FCRL2: variants seen among roughly 807,000 people sequenced by gnomAD.
FCRL2 encodes the protein Fc receptor-like protein 2.
In FCRL2, 48 loss-of-function variants were observed where a neutral mutation model predicts 59.8. The observed-to-expected ratio is 0.80, with a 90% confidence interval of 0.64 to 1.02. The LOEUF is 1.02. FCRL2 is among the 50% of genes least tolerant of loss of function. The pLI, the probability that FCRL2 is intolerant of heterozygous loss-of-function variation, is 0.00. For missense variants in FCRL2, 658 were observed against 597.3 expected, an observed-to-expected ratio of 1.10 and a Z score of -1.06; for synonymous variants, 251 against 229.5, an observed-to-expected ratio of 1.09 and a Z score of -0.85.
At position 157,777,104 on chromosome 1, in the gene FCRL2, T is replaced by C. The variant is rs748653794; in HGVS notation, c.-31A>G. 1.4e-5 allele frequency: 23 copies of C among 1,614,026 alleles called. No individual in the cohort carries two copies. The highest frequency in any genetic ancestry group is 3.3e-5 in the Admixed American group (2 of 60,006). On this transcript the variant is annotated 5_prime_UTR_variant, in exon 1 of 12. Coordinates refer to ENST00000361516, the MANE Select transcript of FCRL2 (RefSeq NM_030764.4). ...CCTAATCCAGCTATTTGAAAAGAGA[T>C]GTACTCTTGGTCACCAACTGGAGAC...
At chr1:157,749,999 C>T (rs917147654) in intron 7 of FCRL2, among the ~76,000 whole-genome samples, 2 of 152,132 alleles carry the variant, frequency 1.3e-5, no homozygotes, top group Non-Finnish European at 2.9e-5. Flanking sequence ...TTTTAACTAT[C>T]CTAATGTATA....
chr1:157,758,010 C>T (rs1033740122), intron 7 of FCRL2, among the ~76,000 whole-genome samples: 7 of 152,200 alleles, frequency 4.6e-5, no homozygotes, highest in Admixed American at 3.9e-4. Context: ...CAATCTGTGG[C>T]ATTTTGTTAT....
intron 4 of FCRL2, chr1:157,769,198 G>C (rs1295277253): frequency 6.4e-6 from 1 of 155,538 alleles, no homozygotes; most frequent in Non-Finnish European, 1.4e-5. Flanking sequence ...AATTTGTGTT[G>C]CAATCTCATC....
At chr1:157,748,843 G>A (rs751615407) in intron 9 of FCRL2, 32 bp downstream of exon 9, 3 of 1,597,212 alleles carry the variant, frequency 1.9e-6, no homozygotes, top group South Asian at 1.1e-5. Context: ...TTCTGACTCA[G>A]CCTCAGAGCC....
chr1:157,766,723 T>C, intron 7 of FCRL2, 132 bp downstream of exon 7: 1 of 1,453,608 alleles, frequency 6.9e-7, no homozygotes, highest in Non-Finnish European at 9.2e-7. Context: ...CCTTGCAGAA[T>C]TATGAAGCAT....
Position 157,776,992 on chromosome 1 carries a change from T to C in FCRL2, c.31+51A>G, listed in dbSNP as rs140603037. On this transcript the variant is annotated intron_variant, in intron 1 of 11. Coordinates refer to ENST00000361516, the MANE Select transcript of FCRL2 (RefSeq NM_030764.4). ...AAAACCTCCAACCTTTTGGGAGCAG[T>C]AGACCTCATTCAGCTGCCACCTCAC... is the stretch of plus-strand genomic sequence containing the variant. The C allele has an allele frequency of 1.1e-4, 164 of 1,549,776 alleles. 1 individual carries two copies. In the African/African-American group the frequency reaches 1.8e-3, roughly 17 times the overall value.
intron 7 of FCRL2, 51 bp downstream of exon 7, chr1:157,766,803 AG>A: frequency 6.2e-7 from 1 of 1,605,930 alleles, no homozygotes; most frequent in South Asian, 1.1e-5. Flanking sequence ...AATCTATATC[AG>A]TAGTGGAAAG....
intron 1 of FCRL2, among the ~76,000 whole-genome samples, chr1:157,776,000 A>T (rs189835938): frequency 5.8e-4 from 88 of 152,258 alleles, no homozygotes; most frequent in African/African-American, 2.0e-3. Flanking sequence ...CAAGTTGCAA[A>T]CCCAATGCTT....
intron 7 of FCRL2, among the ~76,000 whole-genome samples, chr1:157,760,136 G>C (rs565599425): frequency 7.2e-5 from 11 of 152,328 alleles, no homozygotes; most frequent in Non-Finnish European, 1.5e-4. Context: ...TATGTTCTTT[G>C]CAGCAACATG....
At chr1:157,760,339 C>A (rs1648921444) in intron 7 of FCRL2, among the ~76,000 whole-genome samples, 2 of 151,870 alleles carry the variant, frequency 1.3e-5, no homozygotes, top group South Asian at 2.1e-4. Flanking sequence ...CCTATTGGGG[C>A]CAGGCGTGGT....
intron 7 of FCRL2, among the ~76,000 whole-genome samples, chr1:157,751,008 A>G (rs1172894485): frequency 5.3e-5 from 8 of 152,218 alleles, no homozygotes; most frequent in Admixed American, 2.6e-4. Flanking sequence ...AAAAATTGAC[A>G]TATGTCTATA....
At chr1:157,751,489 C>T (rs1648180328) in intron 7 of FCRL2, among the ~76,000 whole-genome samples, 1 of 152,138 alleles carries the variant, frequency 6.6e-6, no homozygotes, top group Non-Finnish European at 1.5e-5. Flanking sequence ...TGGACACATG[C>T]CTGAAAAATC....
chr1:157,765,746 C>A (rs1301211310), intron 7 of FCRL2, among the ~76,000 whole-genome samples: 1 of 152,170 alleles, frequency 6.6e-6, no homozygotes, highest in Non-Finnish European at 1.5e-5. Context: ...TGACAGTTCT[C>A]CCATTTAGAG....
intron 7 of FCRL2, 48 bp from the exon 8 acceptor site, chr1:157,749,725 C>T (rs772118228): frequency 6.5e-7 from 1 of 1,527,380 alleles, no homozygotes; most frequent in South Asian, 1.2e-5. Flanking sequence ...GAAGCTTTAT[C>T]TCTTAAAATT....
intron 7 of FCRL2, among the ~76,000 whole-genome samples, chr1:157,752,228 A>T (rs960453132): frequency 6.6e-6 from 1 of 152,212 alleles, no homozygotes; most frequent in Admixed American, 6.5e-5. Context: ...GGAGGTACCC[A>T]GTGGGAGGTA....
Position 157,748,580 on chromosome 1 carries a change from A to G in FCRL2, c.1432T>C (p.Trp478Arg). 6.2e-7 allele frequency: 1 copy of G among 1,613,990 alleles called. No individual in the cohort carries two copies. ...GAGCTTTCTGGCTGCTGCATGCTCCAGACCTGAGAATAAACCACATCCACA... is the reference window on the plus strand; with the variant it reads ...GAGCTTTCTGGCTGCTGCATGCTCCGGACCTGAGAATAAACCACATCCACA... Reference protein sequence around the residue: ...VDVDVVYSQVWSMQQPESSAN... With the variant: ...VDVDVVYSQVRSMQQPESSAN... Residue 478 changes from tryptophan to arginine, a missense_variant, in exon 10 of 12, where the codon TGG becomes CGG. Trp to Arg is a moderately radical substitution (Grantham distance 101). Transcript: ENST00000361516.
chr1:157,750,152 A>G (rs1648075057), intron 7 of FCRL2, among the ~76,000 whole-genome samples: 1 of 152,214 alleles, frequency 6.6e-6, no homozygotes, highest in Admixed American at 6.5e-5. Flanking sequence ...GGATGTTGAC[A>G]TTCGTAAGGC....
intron 7 of FCRL2, among the ~76,000 whole-genome samples, chr1:157,758,335 C>T (rs1648756843): frequency 6.6e-6 from 1 of 152,176 alleles, no homozygotes; most frequent in Admixed American, 6.5e-5. Flanking sequence ...CTTAGATCAT[C>T]TGTTTAAAAA....
intron 2 of FCRL2, 59 bp downstream of exon 2, chr1:157,775,716 G>A: frequency 6.3e-7 from 1 of 1,590,254 alleles, no homozygotes; most frequent in Non-Finnish European, 8.6e-7. Flanking sequence ...TAGAATCCTG[G>A]GGTAGTGGGG....
Sources: allele counts gnomAD v4.1 joint callset (sites outside exome capture counted in the v4.1 genomes callset), GRCh38; gene constraint gnomAD v4.1.1; transcripts MANE v1.5; gene names NCBI Gene and HGNC (gene_info 2026-07-23, HGNC 2026-07-21).